Variants in RASA3 observed in about 807,000 individuals in gnomAD.
RASA3 encodes ras GTPase-activating protein 3.
RASA3 carries 73 observed loss-of-function variants against 110.0 expected under a neutral mutation model. The observed-to-expected ratio is 0.66, with a 90% CI of 0.55 to 0.81. RASA3 has a LOEUF of 0.81. Ranked by LOEUF, RASA3 falls within the 30% of genes least tolerant of loss-of-function variation. The pLI, the probability that RASA3 is intolerant of heterozygous loss-of-function variation, is 0.00. For synonymous variants in RASA3, 500 were observed against 451.4 expected (o/e 1.11, Z -1.37); for missense variants, 976 against 1,113.2 (o/e 0.88, Z 1.75).
chr13:114,059,443 C>T (rs141806406), intron 2 of RASA3, among the ~76,000 whole-genome samples: 1 of 152,368 alleles, frequency 6.6e-6, no homozygotes, highest in Non-Finnish European at 1.5e-5. Context: ...GGCACAGGTA[C>T]CCAGGAGGCA....
At chr13:114,087,263 G>T (rs559619200) in intron 1 of RASA3, among the ~76,000 whole-genome samples, 12 of 142,830 alleles carry the variant, frequency 8.4e-5, no homozygotes, top group African/African-American at 2.9e-4. Context: ...TATTCCCTTC[G>T]TCCTCGCGGG....
At chr13:114,124,253 C>T (rs1208652622) in intron 1 of RASA3, among the ~76,000 whole-genome samples, 2 of 152,160 alleles carry the variant, frequency 1.3e-5, no homozygotes, top group African/African-American at 4.8e-5. Context: ...CTAAGAATGC[C>T]AAATTTCAGG....
intron 4 of RASA3, among the ~76,000 whole-genome samples, chr13:114,040,655 T>C (rs75859507): frequency 0.017 from 1,466 of 88,282 alleles, 266 homozygotes; most frequent in African/African-American, 0.06. Flanking sequence ...TGGCAGAGCC[T>C]GCGCTCACTC....
At chr13:114,080,027 G>C (rs1480196946) in intron 1 of RASA3, among the ~76,000 whole-genome samples, 2 of 152,238 alleles carry the variant, frequency 1.3e-5, no homozygotes, top group Admixed American at 6.5e-5. Flanking sequence ...GAAGCTGCCA[G>C]AAATAGGCAG....
chr13:114,045,350 G>T (rs950039804), intron 3 of RASA3, among the ~76,000 whole-genome samples: 2 of 152,192 alleles, frequency 1.3e-5, no homozygotes, highest in African/African-American at 4.8e-5. Context: ...GGCCGGAAGG[G>T]TCACTTTCTT....
rs1426067063 is a variant in RASA3, at chr13:114,098,778, C to T, written c.56-24941G>A. Among the ~76,000 whole-genome samples, 8 of 152,106 alleles carry T rather than the reference C, an allele frequency of 5.3e-5. 1 individual carries two copies. The highest frequency in any genetic ancestry group is 1.2e-4 in the Non-Finnish European group (8 of 68,006). ...GGAAGGCACAAGGGCGGGAGAAAGACCTCAGAAGGGATTTAAAGAATGAAG... is the reference window on the plus strand; with the variant it reads ...GGAAGGCACAAGGGCGGGAGAAAGATCTCAGAAGGGATTTAAAGAATGAAG... On this transcript the variant is annotated intron_variant, in intron 1 of 23. Transcript: ENST00000334062.
At chr13:114,005,946 T>C (rs71449040) in intron 18 of RASA3, among the ~76,000 whole-genome samples, 1 of 15,846 alleles carries the variant, frequency 6.3e-5, no homozygotes, top group Admixed American at 6.9e-4. Context: ...CCCTGCTGGA[T>C]GCCACCTTAC....
chr13:114,108,884 G>A (rs1254055192), intron 1 of RASA3: 1 of 152,276 alleles, frequency 6.6e-6, no homozygotes, highest in African/African-American at 2.4e-5. Flanking sequence ...CAGCAGAACT[G>A]GCAGCAACAC....
intron 3 of RASA3, among the ~76,000 whole-genome samples, chr13:114,050,905 C>T (rs1332610789): frequency 6.6e-6 from 1 of 152,238 alleles, no homozygotes; most frequent in East Asian, 1.9e-4. Context: ...GATCACAGAT[C>T]CTGGTCCATG....
chr13:114,132,354 G>A (rs1307247917), intron 1 of RASA3, 81 bp downstream of exon 1: 2 of 1,366,282 alleles, frequency 1.5e-6, no homozygotes, highest in Non-Finnish European at 1.9e-6. Flanking sequence ...CCCCAGCAAG[G>A]ATCTGCGGAG....
chr13:114,030,394 G>GGCAAGACTCACGCAGAGA (rs1566501369), intron 4 of RASA3, among the ~76,000 whole-genome samples: 1 of 57,332 alleles, frequency 1.7e-5, no homozygotes, highest in East Asian at 3.9e-4. Context: ...TCACACAGGA[G>GGCAAGACTCACGCAGAGA]GCAAGACTCA....
chr13:114,082,947 C>A (rs2079806411), intron 1 of RASA3, among the ~76,000 whole-genome samples: 1 of 152,256 alleles, frequency 6.6e-6, no homozygotes, highest in Non-Finnish European at 1.5e-5. Flanking sequence ...AAACTCTTGT[C>A]TCTAAGCCAA....
intron 1 of RASA3, among the ~76,000 whole-genome samples, chr13:114,118,827 A>G (rs2080328943): frequency 6.6e-6 from 1 of 152,206 alleles, no homozygotes; most frequent in Non-Finnish European, 1.5e-5. Flanking sequence ...AAACACCAGC[A>G]TTCTTGTGTT....
At chr13:114,128,521 G>A (rs2080479050) in intron 1 of RASA3, among the ~76,000 whole-genome samples, 1 of 152,228 alleles carries the variant, frequency 6.6e-6, no homozygotes, top group Non-Finnish European at 1.5e-5. Context: ...CACCCCACTT[G>A]TCATTCTCCC....
In RASA3 at chr13:114,114,925, G is replaced by T. The variant is rs1047441676; in HGVS notation, c.55+17510C>A. Among the ~76,000 whole-genome samples, 6 of 152,038 alleles carry T rather than the reference G, an allele frequency of 3.9e-5. No individual in the cohort carries two copies. The highest frequency in any genetic ancestry group is 3.9e-4 in the Admixed American group (6 of 15,270). The stretch of plus-strand genomic sequence containing the variant: ...AAATTCCCGGGCACGACCCCTGGCC[G>T]TGGGTGAAAGCACCCCCAGCCCCAC... On this transcript the variant is annotated intron_variant, in intron 1 of 23. Coordinates refer to ENST00000334062, the MANE Select transcript of RASA3 (RefSeq NM_007368.4). This position sits in a 1 kb window ranked among gnomAD's most constrained non-coding sequence, Gnocchi z 4.8.
intron 2 of RASA3, among the ~76,000 whole-genome samples, chr13:114,068,584 A>T (rs2079496958): frequency 6.6e-6 from 1 of 152,188 alleles, no homozygotes; most frequent in South Asian, 2.1e-4. Context: ...GAGCGGGGTC[A>T]TCTCCTTGTT....
intron 1 of RASA3, among the ~76,000 whole-genome samples, chr13:114,097,764 G>A (rs1461334321): frequency 2.0e-5 from 3 of 152,230 alleles, no homozygotes; most frequent in African/African-American, 4.8e-5. Flanking sequence ...CAGGTTTCTA[G>A]GGCAAGAGGC....
intron 4 of RASA3, among the ~76,000 whole-genome samples, chr13:114,030,547 C>G (rs1388053309): frequency 2.3e-5 from 3 of 128,854 alleles, no homozygotes; most frequent in African/African-American, 8.3e-5. Context: ...GGGCAAGACT[C>G]ACACAGACAG....
At chr13:114,035,244 G>A (rs935849743) in intron 4 of RASA3, among the ~76,000 whole-genome samples, 1 of 152,222 alleles carries the variant, frequency 6.6e-6, no homozygotes. Flanking sequence ...GCTACTAAGA[G>A]CAAAAGGGAA....
Sources: allele counts gnomAD v4.1 joint callset (sites outside exome capture counted in the v4.1 genomes callset), GRCh38; gene constraint gnomAD v4.1.1; non-coding constraint Gnocchi (gnomAD v3.1); transcripts MANE v1.5; gene names NCBI Gene and HGNC (gene_info 2026-07-23, HGNC 2026-07-21).